The following COL23A1 variants were observed in gnomAD, a reference collection of about 807,000 sequenced individuals.
The protein encoded by COL23A1 is collagen type XXIII alpha 1 chain.
In COL23A1, 97 loss-of-function variants were observed where a neutral mutation model predicts 99.3. That is an observed-to-expected ratio of 0.98 (90% confidence interval 0.83 to 1.16). The LOEUF is 1.16. Ranked by LOEUF, COL23A1 falls within the 50% of genes most tolerant of loss-of-function variation. The probability of loss-of-function intolerance (pLI) is 0.00; values close to 1 mark genes in which losing one functional copy is unlikely to be tolerated. For synonymous variants in COL23A1, 320 were observed against 308.2 expected, an observed-to-expected ratio of 1.04 and a Z score of -0.40; for missense variants, 762 against 757.4, an observed-to-expected ratio of 1.01 and a Z score of -0.07.
chr5:178,566,898 G>A (rs564031159), intron 1 of COL23A1, among the ~76,000 whole-genome samples: 5 of 152,278 alleles, frequency 3.3e-5, no homozygotes, highest in South Asian at 2.1e-4. Context: ...CTAGCTAGGC[G>A]GTAAAGATGT....
intron 2 of COL23A1, among the ~76,000 whole-genome samples, chr5:178,364,584 C>T (rs1312690031): frequency 6.6e-6 from 1 of 152,132 alleles, no homozygotes; most frequent in Non-Finnish European, 1.5e-5. Context: ...CTGCCTCTCC[C>T]ATCTCCAACA....
rs553873828 is a variant in COL23A1, at chr5:178,364,781, C to T, written c.362-57862G>A. 6.6e-5 allele frequency among the ~76,000 whole-genome samples: 10 copies of T among 152,320 alleles called. No homozygotes were observed. The South Asian group carries it at 2.1e-3, about 32-fold the overall frequency. ...CACCTGGATCTACAAAAAGTGCCCC[C>T]ATCCCCCATGACTCTGCTGATGAAC... On this transcript the variant is annotated intron_variant, in intron 2 of 28. Transcript: ENST00000390654.
intron 1 of COL23A1, among the ~76,000 whole-genome samples, chr5:178,586,549 A>G (rs1764015572): frequency 6.6e-6 from 1 of 151,484 alleles, no homozygotes; most frequent in Admixed American, 6.6e-5. Context: ...GGAACGCCCC[A>G]ATCCTTGGCT....
At chr5:178,321,480 C>CATTTTTT (rs761651933) in intron 2 of COL23A1, among the ~76,000 whole-genome samples, 1 of 109,040 alleles carries the variant, frequency 9.2e-6, no homozygotes, top group African/African-American at 4.0e-5. Context: ...GTCACCTTCC[C>CATTTTTT]TTTTTTTTTT....
At chr5:178,361,216 C>A (rs1159554921) in intron 2 of COL23A1, among the ~76,000 whole-genome samples, 1 of 152,134 alleles carries the variant, frequency 6.6e-6, no homozygotes, top group African/African-American at 2.4e-5. Context: ...CTCTTCCCTG[C>A]CATAAGGTCT....
At chr5:178,260,780 G>T (rs1765583303) in intron 11 of COL23A1, among the ~76,000 whole-genome samples, 1 of 152,082 alleles carries the variant, frequency 6.6e-6, no homozygotes, top group Non-Finnish European at 1.5e-5. Flanking sequence ...GGCGACAAGA[G>T]CAAGACTCCA....
intron 5 of COL23A1, among the ~76,000 whole-genome samples, chr5:178,286,684 A>C (rs915720504): frequency 1.3e-5 from 2 of 152,152 alleles, no homozygotes; most frequent in African/African-American, 4.8e-5. Flanking sequence ...GCCGGCACCC[A>C]ACTGGGTCCT....
chr5:178,420,316 G>A (rs1262258126), intron 2 of COL23A1, among the ~76,000 whole-genome samples: 2 of 151,934 alleles, frequency 1.3e-5, no homozygotes. Context: ...CAGGCCATAT[G>A]GGACAGGTGG....
At chr5:178,587,468 G>A (rs1764061335) in intron 1 of COL23A1, among the ~76,000 whole-genome samples, 1 of 152,104 alleles carries the variant, frequency 6.6e-6, no homozygotes, top group Admixed American at 6.5e-5. Flanking sequence ...CTTTCCCCCT[G>A]ACATTAAAGC....
chr5:178,249,945 C>T (rs75614562), intron 18 of COL23A1, 116 bp downstream of exon 18: 31,427 of 1,363,858 alleles, frequency 0.023, 460 homozygotes, highest in Non-Finnish European at 0.028. Flanking sequence ...TTGATTTTCT[C>T]ACACATGGTG....
chr5:178,358,421 GTGTGTA>G (rs1159852821), intron 2 of COL23A1, among the ~76,000 whole-genome samples: 23 of 145,938 alleles, frequency 1.6e-4, no homozygotes, highest in East Asian at 4.1e-4. Flanking sequence ...ATGTGTATGT[GTGTGTA>G]TGTGTATGTG....
At chr5:178,574,580 C>T (rs1015692545) in intron 1 of COL23A1, among the ~76,000 whole-genome samples, 2 of 152,182 alleles carry the variant, frequency 1.3e-5, no homozygotes, top group African/African-American at 4.8e-5. Context: ...TTGGAAGCCG[C>T]TTAATGCTCC....
intron 2 of COL23A1, among the ~76,000 whole-genome samples, chr5:178,429,651 C>A (rs12652099): frequency 6.6e-6 from 1 of 151,968 alleles, no homozygotes; most frequent in South Asian, 2.1e-4. Context: ...TGAGGCTGCA[C>A]GCACTCTCGC....
In COL23A1 at chr5:178,281,807, TG is replaced by T. The variant is rs1245532344; in HGVS notation, c.441+6516del. 4.6e-5 allele frequency among the ~76,000 whole-genome samples: 7 copies of T among 152,084 alleles called. No homozygotes were observed. Among genetic ancestry groups the T allele is most frequent in the Non-Finnish European group, 7.4e-5 (5 of 68,012 alleles). ...GCTCATGCCTGTAATCCTAGCACTT[TG>T]GGAGGCCGAGGTGGTCAGATTGCCT... On this transcript the variant is annotated intron_variant, in intron 5 of 28. Transcript: ENST00000390654. The surrounding 1 kb of genome is among the most constrained non-coding windows in gnomAD (Gnocchi z 4.0).
In COL23A1 at chr5:178,570,218, T is replaced by C. The variant is rs546964855; in HGVS notation, c.295-9470A>G. The stretch of plus-strand genomic sequence containing the variant: ...GCCTCGACCTCCTGGGCTCAAGTCA[T>C]CCTCCCACCTCAGCCTCCCAAGTAG... On this transcript the variant is annotated intron_variant, in intron 1 of 28. Coordinates refer to ENST00000390654, the MANE Select transcript of COL23A1 (RefSeq NM_173465.4). Among the ~76,000 whole-genome samples, 461 of 151,738 alleles carry C rather than the reference T, an allele frequency of 3.0e-3. 1 individual carries two copies. The highest frequency in any genetic ancestry group is 0.011 in the African/African-American group (440 of 41,382).
chr5:178,275,942 C>T (rs1756561069), intron 5 of COL23A1, among the ~76,000 whole-genome samples: 1 of 152,198 alleles, frequency 6.6e-6, no homozygotes, highest in Non-Finnish European at 1.5e-5. Flanking sequence ...CCTCCATCTC[C>T]TTGCTGGGTG....
chr5:178,425,259 C>A (rs938718675), intron 2 of COL23A1, among the ~76,000 whole-genome samples: 1 of 151,900 alleles, frequency 6.6e-6, no homozygotes, highest in African/African-American at 2.4e-5. Flanking sequence ...CCGGTCTCTA[C>A]TAAAAATACA....
intron 2 of COL23A1, among the ~76,000 whole-genome samples, chr5:178,323,668 C>T (rs1759473268): frequency 6.6e-6 from 1 of 152,138 alleles, no homozygotes; most frequent in Non-Finnish European, 1.5e-5. Context: ...AGAGATGCCA[C>T]CGTCACCTTG....
rs140761638 is a variant in COL23A1, at chr5:178,481,706, A to T, written c.361+78976T>A. Among the ~76,000 whole-genome samples the T allele has an allele frequency of 5.6e-4, 85 of 152,196 alleles. 1 individual carries two copies. The East Asian group carries it at 7.2e-3, about 13-fold the overall frequency. ...ATACCCATTAGTATAGCTATGATTA[A>T]AAAGAGGGAAAATGACAGCATGGAT... is the stretch of plus-strand genomic sequence containing the variant. On this transcript the variant is annotated intron_variant, in intron 2 of 28. Transcript: ENST00000390654.
Sources: allele counts gnomAD v4.1 joint callset (sites outside exome capture counted in the v4.1 genomes callset), GRCh38; gene constraint gnomAD v4.1.1; non-coding constraint Gnocchi (gnomAD v3.1); transcripts MANE v1.5; gene names NCBI Gene and HGNC (gene_info 2026-07-23, HGNC 2026-07-21).